The following ATRNL1 variants were observed in gnomAD, a reference collection of about 807,000 sequenced individuals.
The protein encoded by ATRNL1 is attractin like 1.
A neutral mutation model predicts 182.7 loss-of-function variants in ATRNL1; 95 were observed. That is an observed-to-expected ratio of 0.52 (90% CI 0.44 to 0.62). ATRNL1 has a LOEUF of 0.62. Ranked by LOEUF, ATRNL1 falls within the 20% of genes least tolerant of loss-of-function variation. The pLI is 0.00. For missense variants in ATRNL1, 1,471 were observed against 1,679.5 expected, an observed-to-expected ratio of 0.88 and a Z score of 2.17; for synonymous variants, 576 against 568.3, an observed-to-expected ratio of 1.01 and a Z score of -0.19.
intron 19 of ATRNL1, among the ~76,000 whole-genome samples, chr10:115,343,040 G>T (rs1855822183): frequency 6.6e-6 from 1 of 152,010 alleles, no homozygotes; most frequent in Non-Finnish European, 1.5e-5. Flanking sequence ...CTGCTTTTAG[G>T]ATCCTTTCTT....
At chr10:115,379,579 T>C (rs751300219) in intron 19 of ATRNL1, among the ~76,000 whole-genome samples, 16 of 152,352 alleles carry the variant, frequency 1.1e-4, no homozygotes, top group African/African-American at 3.6e-4. Flanking sequence ...AATATGACAG[T>C]ATTAATATGA....
At chr10:115,606,536 A>G (rs1592937701) in intron 26 of ATRNL1, among the ~76,000 whole-genome samples, 1 of 152,064 alleles carries the variant, frequency 6.6e-6, no homozygotes, top group Non-Finnish European at 1.5e-5. Flanking sequence ...TTAATTTATG[A>G]AAAAGAAAAC....
At chr10:115,621,109 T>C (rs1254522890) in intron 26 of ATRNL1, among the ~76,000 whole-genome samples, 1 of 151,836 alleles carries the variant, frequency 6.6e-6, no homozygotes, top group Non-Finnish European at 1.5e-5. Flanking sequence ...GCATTCAGTT[T>C]TTATTTTAAT....
intron 10 of ATRNL1, among the ~76,000 whole-genome samples, chr10:115,262,879 A>G (rs1298796129): frequency 6.6e-6 from 1 of 151,992 alleles, no homozygotes; most frequent in Admixed American, 6.6e-5. Flanking sequence ...TGTAGAGAAT[A>G]TAAAACAAGA....
intron 26 of ATRNL1, among the ~76,000 whole-genome samples, chr10:115,633,880 A>G (rs78068826): frequency 0.02 from 3,021 of 152,238 alleles, 66 homozygotes; most frequent in East Asian, 0.12. Context: ...TAGACATATT[A>G]GCATGGCTAT....
intron 28 of ATRNL1, among the ~76,000 whole-genome samples, chr10:115,917,330 C>T (rs1952893055): frequency 6.6e-6 from 1 of 151,988 alleles, no homozygotes; most frequent in African/African-American, 2.4e-5. Context: ...ATTAGCCGGG[C>T]ATGGCGGCGG....
At chr10:115,135,524 C>G (rs1370402767) in intron 5 of ATRNL1, among the ~76,000 whole-genome samples, 8 of 151,920 alleles carry the variant, frequency 5.3e-5, no homozygotes, top group Admixed American at 3.3e-4. Flanking sequence ...CACTGCTCAA[C>G]GAAATAAAAG....
At chr10:115,469,419 T>G in intron 24 of ATRNL1, 90 bp downstream of exon 24, 1 of 826,576 alleles carries the variant, frequency 1.2e-6, no homozygotes, top group Admixed American at 3.1e-5. Context: ...TATGTACATT[T>G]CCTGACTTGA....
intron 21 of ATRNL1, among the ~76,000 whole-genome samples, chr10:115,445,759 A>G (rs552887588): frequency 8.6e-4 from 31 of 35,950 alleles, no homozygotes; most frequent in South Asian, 1.6e-3. Flanking sequence ...ACATGTCAGC[A>G]GTCACTTATC....
intron 1 of ATRNL1, among the ~76,000 whole-genome samples, chr10:115,100,080 C>T (rs879965540): frequency 4.6e-5 from 7 of 152,078 alleles, no homozygotes; most frequent in African/African-American, 7.2e-5. Context: ...TCACTTGAGT[C>T]TAGGAATTTG....
At chr10:115,353,705 C>G (rs1416716978) in intron 19 of ATRNL1, among the ~76,000 whole-genome samples, 1 of 151,928 alleles carries the variant, frequency 6.6e-6, no homozygotes, top group Admixed American at 6.6e-5. Context: ...TAATTCCTTG[C>G]TTTTTATTTT....
chr10:115,549,413 T>C (rs782696171), intron 25 of ATRNL1, 45 bp from the exon 26 acceptor site: 6 of 1,454,078 alleles, frequency 4.1e-6, no homozygotes, highest in Non-Finnish European at 4.7e-6. Context: ...CATTACATAG[T>C]TCAAATAAGT....
At chr10:115,532,389 T>C (rs376687338) in intron 25 of ATRNL1, among the ~76,000 whole-genome samples, 4 of 152,098 alleles carry the variant, frequency 2.6e-5, no homozygotes, top group African/African-American at 9.7e-5. Context: ...CTCTTTGAAG[T>C]AATTGTGAAT....
intron 8 of ATRNL1, among the ~76,000 whole-genome samples, chr10:115,176,444 GA>G (rs782080459): frequency 6.6e-6 from 1 of 152,136 alleles, no homozygotes; most frequent in Non-Finnish European, 1.5e-5. Flanking sequence ...AGAAAGAACA[GA>G]AAGAGGATAG....
At chr10:115,851,963 G>A (rs188427847) in intron 28 of ATRNL1, among the ~76,000 whole-genome samples, 6 of 152,234 alleles carry the variant, frequency 3.9e-5, no homozygotes, top group East Asian at 3.9e-4. Context: ...GTCCCCAAGC[G>A]TTTTAGAGGC....
At chr10:115,732,218 G>A (rs781946832) in intron 27 of ATRNL1, among the ~76,000 whole-genome samples, 2 of 152,058 alleles carry the variant, frequency 1.3e-5, no homozygotes, top group Non-Finnish European at 2.9e-5. Context: ...ACTTTTTACC[G>A]CTTGTTGAAA....
chr10:115,676,392 C>T (rs1471187121), intron 26 of ATRNL1, among the ~76,000 whole-genome samples: 2 of 152,134 alleles, frequency 1.3e-5, no homozygotes, highest in East Asian at 3.9e-4. Flanking sequence ...GCATAACCAT[C>T]TGCAATACAT....
chr10:115,694,178 A>G (rs927345351), intron 26 of ATRNL1, among the ~76,000 whole-genome samples: 1 of 145,664 alleles, frequency 6.9e-6, no homozygotes, highest in East Asian at 2.1e-4. Context: ...AGACGCACAC[A>G]CACACACACA....
rs777206074 is a variant in ATRNL1, at chr10:115,282,054, A to G, written c.2233+567A>G. Among the ~76,000 whole-genome samples the G allele has an allele frequency of 7.3e-4, 95 of 129,888 alleles. 1 individual carries two copies. The highest frequency in any genetic ancestry group is 2.7e-3 in the African/African-American group (92 of 34,094). 85.2% of individuals were successfully genotyped at this position (129,888 alleles called of 152,430 possible). Reference sequence around the variant, plus strand: ...ATAAATACATAAATATATTACTTATATAATATGTAACATATATTTATTAAA... The same window carrying G: ...ATAAATACATAAATATATTACTTATGTAATATGTAACATATATTTATTAAA... On this transcript the variant is annotated intron_variant, in intron 14 of 28. Transcript: ENST00000355044.
Sources: allele counts gnomAD v4.1 joint callset (sites outside exome capture counted in the v4.1 genomes callset), GRCh38; gene constraint gnomAD v4.1.1; transcripts MANE v1.5; gene names NCBI Gene and HGNC (gene_info 2026-07-23, HGNC 2026-07-21).